Variants in DLC1 observed in about 807,000 individuals in gnomAD.
DLC1 encodes the protein DLC1 Rho GTPase activating protein.
Under a neutral mutation model 140.3 loss-of-function variants are expected in DLC1, and 54 were observed. The ratio of observed to expected loss-of-function variants is 0.38; its 90% CI spans 0.31 to 0.48. DLC1 has a LOEUF of 0.48. DLC1 is among the 20% of genes least tolerant of loss of function. The pLI is 0.96. For missense variants in DLC1, 2,536 were observed against 1,907.0 expected, an observed-to-expected ratio of 1.33 and a Z score of -6.14; for synonymous variants, 986 against 728.1, an observed-to-expected ratio of 1.35 and a Z score of -5.70.
chr8:13,135,029 G>A (rs1822448744), intron 5 of DLC1, among the ~76,000 whole-genome samples: 1 of 152,126 alleles, frequency 6.6e-6, no homozygotes, highest in Non-Finnish European at 1.5e-5. Flanking sequence ...TCTGGCCCAA[G>A]ATGATGCAGT....
rs571577000 is a variant in DLC1 at position 13,132,917 on chromosome 8, C to G, written c.1349-17260G>C. ...CCGCAGCCCGCTCCCGCGGCCAGCC[C>G]GACGGCAAGACGCAAGTCTAGCTTA... On this transcript the variant is annotated intron_variant, in intron 5 of 17. Transcript: ENST00000276297. The G allele has an allele frequency of 4.2e-5, 66 of 1,586,898 alleles. No homozygotes were observed. The African/African-American group carries it at 7.9e-4, about 19-fold the overall frequency.
chr8:13,507,686 G>T (rs1375282351), intron 1 of DLC1, among the ~76,000 whole-genome samples: 2 of 152,110 alleles, frequency 1.3e-5, no homozygotes, highest in Non-Finnish European at 2.9e-5. Flanking sequence ...ATGAATCCCT[G>T]TTAAAAGTTT....
chr8:13,302,727 A>AG (rs1832250809), intron 5 of DLC1, among the ~76,000 whole-genome samples: 1 of 151,058 alleles, frequency 6.6e-6, no homozygotes. Flanking sequence ...AAAAAAAAAA[A>AG]TGACAGGCCT....
Position 13,100,066 on chromosome 8 carries a change from G to T in DLC1, c.2271C>A (p.Ser757Arg). 6.2e-7 allele frequency: 1 copy of T among 1,613,318 alleles called. No homozygotes were observed. Residue 757 changes from serine (S) to arginine (R), a missense_variant, in exon 9 of 18, where the codon AGC becomes AGA. By Grantham distance (110) the Ser-to-Arg change is moderately radical. Transcript: ENST00000276297. ...TGAGGCTCCGGGTCCTCGTAACAGG[G>T]CTGGGCGTGCTGACCGCGCTGCTGG... ...SETSSAVSTP[S>R]PVTRTRSLSA...
intron 4 of DLC1, among the ~76,000 whole-genome samples, chr8:13,390,298 C>G (rs1400439673): frequency 1.3e-5 from 2 of 152,324 alleles, no homozygotes; most frequent in Middle Eastern, 3.4e-3. Flanking sequence ...GACATGGTCT[C>G]ATTCCTTTTT....
At chr8:13,344,921 A>C (rs1834256900) in intron 4 of DLC1, among the ~76,000 whole-genome samples, 1 of 152,308 alleles carries the variant, frequency 6.6e-6, no homozygotes, top group Admixed American at 6.5e-5. Context: ...GTCAACTTCT[A>C]ATTGTTTGAT....
At chr8:13,216,882 C>G (rs946486664) in intron 5 of DLC1, among the ~76,000 whole-genome samples, 2 of 152,110 alleles carry the variant, frequency 1.3e-5, no homozygotes, top group African/African-American at 4.8e-5. Flanking sequence ...GGTTTTGAAC[C>G]ACTGGCTTAA....
chr8:13,462,017 G>A (rs1799686521), intron 2 of DLC1, among the ~76,000 whole-genome samples: 1 of 152,106 alleles, frequency 6.6e-6, no homozygotes, highest in African/African-American at 2.4e-5. Flanking sequence ...CTTTCTTCTT[G>A]TTCCTCTCTG....
At chr8:13,269,115 TG>T (rs1428424116) in intron 5 of DLC1, among the ~76,000 whole-genome samples, 2 of 151,942 alleles carry the variant, frequency 1.3e-5, no homozygotes, top group African/African-American at 4.8e-5. Context: ...CCTCGTGATC[TG>T]CCCGCCTCAG....
intron 5 of DLC1, among the ~76,000 whole-genome samples, chr8:13,246,568 G>T (rs1331701600): frequency 6.6e-6 from 1 of 151,904 alleles, no homozygotes; most frequent in Non-Finnish European, 1.5e-5. Flanking sequence ...GAAAGCATTT[G>T]AAAATGAAGA....
chr8:13,541,037 G>A (rs925222846), intron 1 of DLC1, among the ~76,000 whole-genome samples: 3 of 152,068 alleles, frequency 2.0e-5, no homozygotes, highest in African/African-American at 7.2e-5. Context: ...TTCTTCATTA[G>A]CTCTATTGAG....
chr8:13,467,377 C>T (rs751957299), intron 2 of DLC1, among the ~76,000 whole-genome samples: 2 of 151,892 alleles, frequency 1.3e-5, no homozygotes, highest in Non-Finnish European at 2.9e-5. Context: ...CCCCTCCCCT[C>T]CTCTCCCCTC....
chr8:13,201,499 C>A (rs531113903), intron 5 of DLC1, among the ~76,000 whole-genome samples: 11 of 152,022 alleles, frequency 7.2e-5, no homozygotes, highest in Non-Finnish European at 1.3e-4. Flanking sequence ...TGAACAACTA[C>A]AAGAACTATA....
chr8:13,374,804 A>T (rs1258670275), intron 4 of DLC1, among the ~76,000 whole-genome samples: 1 of 152,040 alleles, frequency 6.6e-6, no homozygotes, highest in African/African-American at 2.4e-5. Flanking sequence ...CATTTTCACG[A>T]TATTGATTCT....
At chr8:13,405,897 C>T (rs183287882) in intron 2 of DLC1, among the ~76,000 whole-genome samples, 1,588 of 97,406 alleles carry the variant, frequency 0.016, 21 homozygotes, top group Admixed American at 0.023. Context: ...TTCTTTCTTT[C>T]TTTTTCTTTC....
At chr8:13,332,084 T>C (rs1833614118) in intron 4 of DLC1, among the ~76,000 whole-genome samples, 1 of 152,204 alleles carries the variant, frequency 6.6e-6, no homozygotes, top group Non-Finnish European at 1.5e-5. Flanking sequence ...CTAAGTCACA[T>C]ACAGTAAAAC....
intron 1 of DLC1, among the ~76,000 whole-genome samples, chr8:13,538,836 A>G (rs1803387323): frequency 6.6e-6 from 1 of 152,228 alleles, no homozygotes; most frequent in African/African-American, 2.4e-5. Context: ...TATTGCTTGA[A>G]GAAATAGTCC....
chr8:13,322,721 T>A (rs1411736348), intron 4 of DLC1, among the ~76,000 whole-genome samples: 1 of 152,202 alleles, frequency 6.6e-6, no homozygotes, highest in African/African-American at 2.4e-5. Flanking sequence ...TAGAATCAGT[T>A]CTAAGAAGTA....
intron 2 of DLC1, among the ~76,000 whole-genome samples, chr8:13,453,385 A>T: frequency 1.3e-5 from 1 of 79,522 alleles, no homozygotes; most frequent in African/African-American, 4.4e-5. Flanking sequence ...AAGATGGCCC[A>T]GGATATATAT....
Sources: gnomAD v4.1 joint callset for allele counts (sites outside exome capture counted in the v4.1 genomes callset) on GRCh38, gnomAD v4.1.1 for gene constraint, MANE v1.5 for transcripts, NCBI Gene and HGNC (gene_info 2026-07-23, HGNC 2026-07-21) for gene names.